The following CDK5 variants were observed in gnomAD, a reference collection of about 807,000 sequenced individuals.
The protein encoded by CDK5 is cyclin-dependent kinase 5.
Under a neutral mutation model 44.6 loss-of-function variants are expected in CDK5, and 18 were observed. The observed-to-expected ratio is 0.40, with a 90% CI of 0.28 to 0.60. CDK5 has a LOEUF of 0.60. Ranked by LOEUF, CDK5 falls within the 20% of genes least tolerant of loss-of-function variation. The pLI, the probability that CDK5 is intolerant of heterozygous loss-of-function variation, is 0.38. For missense variants in CDK5, 198 were observed against 368.1 expected (o/e 0.54, Z 3.78); for synonymous variants, 143 against 152.8 (o/e 0.94, Z 0.47).
In CDK5 at chr7:151,053,984, G is replaced by C. The variant is rs2150360819; in HGVS notation, c.*25C>G. 1.3e-6 allele frequency: 2 copies of C among 1,561,664 alleles called. No individual in the cohort carries two copies. Among genetic ancestry groups the C allele is most frequent in the Non-Finnish European group, 1.7e-6 (2 of 1,152,922 alleles). On this transcript the variant is annotated 3_prime_UTR_variant, in exon 12 of 12. Transcript: ENST00000485972. ...GGGGGCTTAAATAGGCCAGGCCCCAGCCTGGAGGCCGGGGGTCCCGGGGCC... is the reference window on the plus strand; with the variant it reads ...GGGGGCTTAAATAGGCCAGGCCCCACCCTGGAGGCCGGGGGTCCCGGGGCC...
chr7:151,056,099 G>A lies in CDK5; in HGVS notation c.313-251C>T, dbSNP rs999052487. ...CCATACAGCCTAATGGGCCTTGGCAGGTGGATCCTAGATCCGGCCTAGATC... is the reference window on the plus strand; with the variant it reads ...CCATACAGCCTAATGGGCCTTGGCAAGTGGATCCTAGATCCGGCCTAGATC... On this transcript the variant is annotated intron_variant, in intron 5 of 11. Transcript: ENST00000485972. This position sits in a 1 kb window ranked among gnomAD's most constrained non-coding sequence, Gnocchi z 4.7. 3.4e-5 allele frequency: 19 copies of A among 554,468 alleles called. No individual in the cohort carries two copies. The highest frequency in any genetic ancestry group is 5.8e-5 in the Non-Finnish European group (18 of 310,970). 34.3% of individuals were successfully genotyped at this position (554,468 alleles called of 1,614,324 possible).
At chr7:151,055,503 C>T in intron 7 of CDK5, 29 bp downstream of exon 7, 1 of 1,602,142 alleles carries the variant, frequency 6.2e-7, no homozygotes, top group Middle Eastern at 1.7e-4. Flanking sequence ...ACTCCCTCCC[C>T]CAATCCCATA....
rs1563330305 is a variant in CDK5, at chr7:151,057,165, G to A, written c.38-5C>T. 4 of 1,612,426 alleles carry A rather than the reference G, an allele frequency of 2.5e-6. No homozygotes were observed. Among genetic ancestry groups the A allele is most frequent in the Non-Finnish European group, 3.4e-6 (4 of 1,178,454 alleles). ...TGAACACAGTTCCGTAGGTGCCTAG[G>A]GGAAGGAGGTCAGGGGTCAGGGTGA... On this transcript the variant is annotated splice_polypyrimidine_tract_variant and splice_region_variant and intron_variant, in intron 1 of 11. Coordinates refer to ENST00000485972, the MANE Select transcript of CDK5 (RefSeq NM_004935.4). The surrounding 1 kb of genome is among the most constrained non-coding windows in gnomAD (Gnocchi z 5.2).
In CDK5 at chr7:151,054,133, G is replaced by C; in HGVS notation, c.793-38C>G. The C allele has an allele frequency of 6.3e-7, 1 of 1,589,428 alleles. No homozygotes were observed. The highest frequency in any genetic ancestry group is 8.6e-7 in the Non-Finnish European group (1 of 1,167,050). On this transcript the variant is annotated intron_variant, in intron 11 of 11. Transcript: ENST00000485972. This position sits in a 1 kb window ranked among gnomAD's most constrained non-coding sequence, Gnocchi z 5.7. Reference sequence around the variant, plus strand: ...GAAAGGAGGTGGCAGGTTCAGGACAGGTCACTGCCCAGAGCCCTGCCTTCC... The same window carrying C: ...GAAAGGAGGTGGCAGGTTCAGGACACGTCACTGCCCAGAGCCCTGCCTTCC...
At position 151,057,862 on chromosome 7, in the gene CDK5, G is replaced by C; in HGVS notation, c.-14C>G. 1.2e-6 allele frequency: 2 copies of C among 1,608,538 alleles called. No homozygotes were observed. Among genetic ancestry groups the C allele is most frequent in the Non-Finnish European group, 8.5e-7 (1 of 1,177,760 alleles). ...GTATTTCTGCATCGCGGCGGCCGCG[G>C]GGACCCCTGCGGGCCCTCGGTTTTA... On this transcript the variant is annotated 5_prime_UTR_variant, in exon 1 of 12. Coordinates refer to ENST00000485972, the MANE Select transcript of CDK5 (RefSeq NM_004935.4). This position sits in a 1 kb window ranked among gnomAD's most constrained non-coding sequence, Gnocchi z 5.2.
At position 151,054,304 on chromosome 7, in the gene CDK5, C is replaced by CAGGG; in HGVS notation, c.712-16_712-13dup. 6.2e-7 allele frequency: 1 copy of CAGGG among 1,613,550 alleles called. No homozygotes were observed. The highest frequency in any genetic ancestry group is 8.5e-7 in the Non-Finnish European group (1 of 1,179,654). ...TACATCGGATAGGGCTGTGGAGAGG[C>CAGGG]AGGGAGGGTCAGACTAGAGGTAGGG... On this transcript the variant is annotated splice_polypyrimidine_tract_variant and intron_variant, in intron 10 of 11. Transcript: ENST00000485972. The surrounding 1 kb of genome is among the most constrained non-coding windows in gnomAD (Gnocchi z 5.7).
At position 151,055,443 on chromosome 7, in the gene CDK5, C is replaced by A; in HGVS notation, c.484-70G>T. ...GGGGAGGAGGTTTGAGGAGGAGGCT[C>A]AGAGAGGAGAGGAAAATAATGTTTT... On this transcript the variant is annotated intron_variant, in intron 7 of 11. Transcript: ENST00000485972. 7 of 1,559,314 alleles carry A rather than the reference C, an allele frequency of 4.5e-6. No individual in the cohort carries two copies. Among genetic ancestry groups the A allele is most frequent in the Non-Finnish European group, 6.2e-6 (7 of 1,131,022 alleles).
In CDK5 at chr7:151,057,630, GGGAAA is replaced by G. The variant is rs1474040539; in HGVS notation, c.37+177_37+181del. 3 of 721,300 alleles carry G rather than the reference GGGAAA, an allele frequency of 4.2e-6. No individual in the cohort carries two copies. Among genetic ancestry groups the G allele is most frequent in the Admixed American group, 4.3e-5 (2 of 46,358 alleles). The allele number at this position is 721,300 out of a possible 1,614,324, so 44.7% of individuals were successfully genotyped here. ...GCTAAGGTTGGAGTGAGAGCCCTGC[GGGAAA>G]TGCTAACACGGGGAAGACTGGTGTC... On this transcript the variant is annotated intron_variant, in intron 1 of 11. Coordinates refer to ENST00000485972, the MANE Select transcript of CDK5 (RefSeq NM_004935.4). This position sits in a 1 kb window ranked among gnomAD's most constrained non-coding sequence, Gnocchi z 5.2.
chr7:151,054,541 CTCCT>C lies in CDK5; in HGVS notation c.651-80_651-77del. 27 of 1,416,454 alleles carry C rather than the reference CTCCT, an allele frequency of 1.9e-5. No homozygotes were observed. Among genetic ancestry groups the C allele is most frequent in the Non-Finnish European group, 2.5e-5 (26 of 1,026,178 alleles). The allele number at this position is 1,416,454 out of a possible 1,614,324, so 87.7% of individuals were successfully genotyped here. ...AGGGGCAGGGTGAGGGCCTCTTCCC[CTCCT>C]GGGGAGGGATTCCTCATACCCACCG... is the stretch of plus-strand genomic sequence containing the variant. On this transcript the variant is annotated intron_variant, in intron 9 of 11. Coordinates refer to ENST00000485972, the MANE Select transcript of CDK5 (RefSeq NM_004935.4). This position sits in a 1 kb window ranked among gnomAD's most constrained non-coding sequence, Gnocchi z 5.7.
rs1168737660 is a variant in CDK5 at position 151,056,698 on chromosome 7, C to T, written c.255+38G>A. On this transcript the variant is annotated intron_variant, in intron 4 of 11. Transcript: ENST00000485972. The surrounding 1 kb of genome is among the most constrained non-coding windows in gnomAD (Gnocchi z 4.7). ...TTAACCTCAATCTGGGCCCCTATAC[C>T]TTCCCAAGGCTACTGTCCTCCAAAC... 1 of 1,611,842 alleles carries T rather than the reference C, an allele frequency of 6.2e-7. No individual in the cohort carries two copies.
At position 151,056,616 on chromosome 7, in the gene CDK5, G is replaced by A. The variant is rs754863632; in HGVS notation, c.276C>T (p.Asp92=). ...FCDQDLKKYF[D]SCNGDLDPEI... ...CAGGATCGAGGTCACCATTGCAACT[G>A]TCAAAATACTTCTTCAGGTCCTGAA... is the stretch of plus-strand genomic sequence containing the variant. The change falls in exon 5 of 12, where the codon GAC becomes GAT. Residue 92 remains aspartate, a synonymous_variant. Coordinates refer to ENST00000485972, the MANE Select transcript of CDK5 (RefSeq NM_004935.4). The surrounding 1 kb of genome is among the most constrained non-coding windows in gnomAD (Gnocchi z 4.7). 5 of 1,612,208 alleles carry A rather than the reference G, an allele frequency of 3.1e-6. No individual in the cohort carries two copies. The Admixed American group carries it at 5.0e-5, about 16-fold the overall frequency.
rs1399740424 is a variant in CDK5, at chr7:151,056,097, C to T, written c.313-249G>A. On this transcript the variant is annotated intron_variant, in intron 5 of 11. Transcript: ENST00000485972. This position sits in a 1 kb window ranked among gnomAD's most constrained non-coding sequence, Gnocchi z 4.7. ...GACCATACAGCCTAATGGGCCTTGG[C>T]AGGTGGATCCTAGATCCGGCCTAGA... 5.4e-6 allele frequency: 3 copies of T among 555,668 alleles called. No homozygotes were observed. Among genetic ancestry groups the T allele is most frequent in the Non-Finnish European group, 9.6e-6 (3 of 311,494 alleles). The allele number at this position is 555,668 out of a possible 1,614,324, so 34.4% of individuals were successfully genotyped here. A position where few individuals can be genotyped will look rare whatever the true frequency, so the allele number is the denominator to read the frequency against.
Position 151,055,273 on chromosome 7 carries a change from T to C in CDK5, c.580+4A>G. ...GGTGCCTCTGCAACACCCCAGCACA[T>C]CACCTGCAAAGATGCAGCCGGCTGA... On this transcript the variant is annotated splice_donor_region_variant and intron_variant, in intron 8 of 11. Coordinates refer to ENST00000485972, the MANE Select transcript of CDK5 (RefSeq NM_004935.4). The C allele has an allele frequency of 6.2e-7, 1 of 1,612,050 alleles. No individual in the cohort carries two copies. Among genetic ancestry groups the C allele is most frequent in the Non-Finnish European group, 8.5e-7 (1 of 1,178,224 alleles).
chr7:151,056,766 C>T lies in CDK5; in HGVS notation c.225G>A (p.Lys75=), dbSNP rs759883551. Residue 75 remains lysine (K), a synonymous_variant, in exon 4 of 12, where the codon AAG becomes AAA. Transcript: ENST00000485972. The surrounding 1 kb of genome is among the most constrained non-coding windows in gnomAD (Gnocchi z 4.7). ...CACAGAATTCAAAAACCAAAGTCAG[C>T]TTCTTGTCGCTGTGCAGGACGTCAT... ...RLHDVLHSDK[K]LTLVFEFCDQ... The T allele has an allele frequency of 6.8e-6, 11 of 1,612,878 alleles. No homozygotes were observed. The highest frequency in any genetic ancestry group is 8.5e-6 in the Non-Finnish European group (10 of 1,179,446).
Position 151,056,568 on chromosome 7 carries a change from C to A in CDK5, c.312+12G>T. 6.2e-7 allele frequency: 1 copy of A among 1,609,498 alleles called. No individual in the cohort carries two copies. Among genetic ancestry groups the A allele is most frequent in the East Asian group, 2.2e-5 (1 of 44,862 alleles). ...CCCAGCCTGAGGGGTCCCCCAACAC[C>A]ACTCTCCTCACCTTTACAATCTCAG... is the stretch of plus-strand genomic sequence containing the variant. On this transcript the variant is annotated intron_variant, in intron 5 of 11. Transcript: ENST00000485972. This position sits in a 1 kb window ranked among gnomAD's most constrained non-coding sequence, Gnocchi z 4.7.
rs561605555 is a variant in CDK5, at chr7:151,056,879, C to G, written c.194+29G>C. 6.3e-7 allele frequency: 1 copy of G among 1,596,978 alleles called. No individual in the cohort carries two copies. The highest frequency in any genetic ancestry group is 1.3e-5 in the African/African-American group (1 of 74,558). ...CCCCCGCCTCCCCCAAGCGGCCACA[C>G]CGGCAAGGAGCACCCGCCTCCCGCA... On this transcript the variant is annotated intron_variant, in intron 3 of 11. Transcript: ENST00000485972. This position sits in a 1 kb window ranked among gnomAD's most constrained non-coding sequence, Gnocchi z 4.7.
chr7:151,054,361 C>G lies in CDK5; in HGVS notation c.711+44G>C, dbSNP rs753731719. The G allele has an allele frequency of 1.6e-5, 25 of 1,612,238 alleles. No homozygotes were observed. In the Admixed American group the frequency reaches 4.2e-4, roughly 27 times the overall value. ...GGATGGAGGCGCTAGGAATGTGAAACGAGTGACCCTGATGAACCATGACCC... is the reference window on the plus strand; with the variant it reads ...GGATGGAGGCGCTAGGAATGTGAAAGGAGTGACCCTGATGAACCATGACCC... On this transcript the variant is annotated intron_variant, in intron 10 of 11. Transcript: ENST00000485972. The surrounding 1 kb of genome is among the most constrained non-coding windows in gnomAD (Gnocchi z 5.7).
Position 151,056,348 on chromosome 7 carries a change from C to G in CDK5, c.312+232G>C. 1 of 594,278 alleles carries G rather than the reference C, an allele frequency of 1.7e-6. No homozygotes were observed. The highest frequency in any genetic ancestry group is 3.0e-6 in the Non-Finnish European group (1 of 334,004). 36.8% of individuals were successfully genotyped at this position (594,278 alleles called of 1,614,324 possible). ...CCTTGAACCTCATTTTCTCATCTCT[C>G]GAGTGTAAATAATATCACTGACATC... On this transcript the variant is annotated intron_variant, in intron 5 of 11. Transcript: ENST00000485972. This position sits in a 1 kb window ranked among gnomAD's most constrained non-coding sequence, Gnocchi z 4.7.
chr7:151,055,233 T>C (rs375581902), intron 8 of CDK5, 44 bp downstream of exon 8: 17 of 1,580,098 alleles, frequency 1.1e-5, no homozygotes, highest in Non-Finnish European at 1.4e-5. Context: ...ATTTGTCAAC[T>C]CAAATGGGAA....
Sources: allele counts gnomAD v4.1 joint callset, GRCh38; gene constraint gnomAD v4.1.1; non-coding constraint Gnocchi (gnomAD v3.1); transcripts MANE v1.5; gene names NCBI Gene and HGNC (gene_info 2026-07-23, HGNC 2026-07-21).